The following SLC44A3 variants were observed in gnomAD, a reference collection of about 807,000 sequenced individuals.
SLC44A3 encodes the protein choline transporter-like protein 3.
SLC44A3 carries 74 observed loss-of-function variants against 75.4 expected under a neutral mutation model. The ratio of observed to expected loss-of-function variants is 0.98; its 90% CI spans 0.81 to 1.19. The LOEUF is 1.19. SLC44A3 is among the 50% of genes most tolerant of loss of function. SLC44A3 has a pLI of 0.00. For synonymous variants in SLC44A3, 310 were observed against 296.9 expected, an observed-to-expected ratio of 1.04 and a Z score of -0.45; for missense variants, 700 against 778.6, an observed-to-expected ratio of 0.90 and a Z score of 1.20.
chr1:94,829,562 G>C (rs941749006), intron 5 of SLC44A3, among the ~76,000 whole-genome samples: 1 of 152,208 alleles, frequency 6.6e-6, no homozygotes, highest in Admixed American at 6.5e-5. Flanking sequence ...ATGGAACGGT[G>C]GTTGCATTGC....
chr1:94,860,751 T>C (rs1014359442), intron 10 of SLC44A3, among the ~76,000 whole-genome samples: 1 of 152,216 alleles, frequency 6.6e-6, no homozygotes, highest in Non-Finnish European at 1.5e-5. Flanking sequence ...GCACAGGCAG[T>C]CCCAAGATTT....
chr1:94,827,552 G>T lies in SLC44A3; in HGVS notation c.324G>T (p.Thr108=). The T allele has an allele frequency of 6.2e-7, 1 of 1,614,174 alleles. No homozygotes were observed. The highest frequency in any genetic ancestry group is 1.1e-5 in the South Asian group (1 of 91,084). The part of the protein sequence containing the change: ...MNSCNLEVKG[T]QLNRMALCVS... ...CCTGCAACCTGGAAGTCAAAGGTACGCAGCTCAACCGCATGGCCCTCTGTG... is the reference window on the plus strand; with the variant it reads ...CCTGCAACCTGGAAGTCAAAGGTACTCAGCTCAACCGCATGGCCCTCTGTG... The change falls in exon 4 of 15, where the codon ACG becomes ACT. Residue 108 remains threonine, a synonymous_variant. Coordinates refer to ENST00000271227, the MANE Select transcript of SLC44A3 (RefSeq NM_001114106.3).
At chr1:94,869,444 C>T (rs915550189) in intron 12 of SLC44A3, among the ~76,000 whole-genome samples, 3 of 152,220 alleles carry the variant, frequency 2.0e-5, no homozygotes, top group Non-Finnish European at 4.4e-5. Context: ...GGTGCCTGTG[C>T]ACTAGGCTGT....
At chr1:94,857,913 G>A (rs113493081) in intron 10 of SLC44A3, among the ~76,000 whole-genome samples, 9,031 of 148,502 alleles carry the variant, frequency 0.061, 360 homozygotes, top group Admixed American at 0.11. Context: ...TCCTGGGTTC[G>A]AGCGATTCTT....
chr1:94,852,858 G>A (rs1293961470), intron 9 of SLC44A3, among the ~76,000 whole-genome samples: 1 of 152,188 alleles, frequency 6.6e-6, no homozygotes, highest in African/African-American at 2.4e-5. Context: ...GATATATGGG[G>A]CAAGAATTTG....
chr1:94,859,386 T>A lies in SLC44A3; in HGVS notation c.1238+1886T>A, dbSNP rs187739502. On this transcript the variant is annotated intron_variant, in intron 10 of 14. Transcript: ENST00000271227. ...GAAACAGAGAGGCAATGACAGCAGA[T>A]AAGAAACACCAACCAAATGGTGAGA... Among the ~76,000 whole-genome samples the A allele has an allele frequency of 1.2e-3, 176 of 150,176 alleles. 1 individual carries two copies. The highest frequency in any genetic ancestry group is 3.7e-3 in the African/African-American group (153 of 41,220).
rs190459118 is a variant in SLC44A3, at chr1:94,854,010, G to A, written c.1073-3325G>A. On this transcript the variant is annotated intron_variant, in intron 9 of 14. Transcript: ENST00000271227. The stretch of plus-strand genomic sequence containing the variant: ...ATATCTCATTTATAGCTAACCCTGT[G>A]TGGCACTCACTGTAGCTGACCCTAT... 1.0e-3 allele frequency among the ~76,000 whole-genome samples: 156 copies of A among 152,200 alleles called. 1 individual carries two copies. Among genetic ancestry groups the A allele is most frequent in the African/African-American group, 3.6e-3 (148 of 41,518 alleles).
intron 9 of SLC44A3, among the ~76,000 whole-genome samples, chr1:94,856,031 A>T (rs1665827337): frequency 6.6e-6 from 1 of 152,210 alleles, no homozygotes; most frequent in South Asian, 2.1e-4. Context: ...ATTTGGATTT[A>T]CCAGTGGATT....
At chr1:94,879,214 C>CAA (rs56016110) in intron 12 of SLC44A3, among the ~76,000 whole-genome samples, 389 of 149,266 alleles carry the variant, frequency 2.6e-3, no homozygotes, top group East Asian at 8.0e-3. Context: ...ACAACAACTA[C>CAA]AAAAAAAAAA....
intron 9 of SLC44A3, among the ~76,000 whole-genome samples, chr1:94,850,973 G>A (rs946321625): frequency 5.9e-5 from 9 of 152,076 alleles, no homozygotes; most frequent in African/African-American, 1.7e-4. Flanking sequence ...GAGGTTGCAC[G>A]GGAGAGAGTT....
chr1:94,842,418 G>A (rs4847362), intron 8 of SLC44A3, among the ~76,000 whole-genome samples: 40,535 of 152,180 alleles, frequency 0.27, 6,273 homozygotes, highest in Middle Eastern at 0.38. Flanking sequence ...TGGGTGGGCG[G>A]AGGCAGGCTT....
At chr1:94,827,726 T>A in intron 4 of SLC44A3, 83 bp downstream of exon 4, 2 of 1,494,754 alleles carry the variant, frequency 1.3e-6, no homozygotes, top group Non-Finnish European at 9.1e-7. Context: ...ACCCTGACTC[T>A]GCTTTCTCTG....
At chr1:94,880,897 T>TA (rs1371447687) in intron 12 of SLC44A3, among the ~76,000 whole-genome samples, 2 of 84,700 alleles carry the variant, frequency 2.4e-5, no homozygotes, top group African/African-American at 9.4e-5. Context: ...CATTTTTTTT[T>TA]AATGACAAAA....
rs1454124591 is a variant in SLC44A3 at position 94,845,403 on chromosome 1, T to A, written c.1011T>A (p.Phe337Leu). 1 of 1,613,978 alleles carries A rather than the reference T, an allele frequency of 6.2e-7. No individual in the cohort carries two copies. The highest frequency in any genetic ancestry group is 1.3e-5 in the African/African-American group (1 of 74,918). Residue 337 changes from phenylalanine (F) to leucine (L), a missense_variant, in exon 9 of 15, where the codon TTT becomes TTA. Phe to Leu is a conservative substitution (Grantham distance 22, BLOSUM62 0). Transcript: ENST00000271227. The stretch of plus-strand genomic sequence containing the variant: ...TGCTGTTCCAGCCACTGTGGACATT[T>A]GCCATCCTCATTTTCTTCTGGGTCC... ...PFLLFQPLWT[F>L]AILIFFWVLW...
chr1:94,836,391 A>G (rs1662786592), intron 5 of SLC44A3, among the ~76,000 whole-genome samples: 1 of 152,224 alleles, frequency 6.6e-6, no homozygotes, highest in African/African-American at 2.4e-5. Context: ...GGCAGTTATC[A>G]ACTGCAGCAT....
intron 13 of SLC44A3, among the ~76,000 whole-genome samples, chr1:94,891,530 A>G (rs1243472586): frequency 6.6e-6 from 1 of 152,202 alleles, no homozygotes; most frequent in Non-Finnish European, 1.5e-5. Flanking sequence ...GATCAGTTCT[A>G]CCATTCTGAT....
At chr1:94,866,510 T>G (rs1389781827) in intron 11 of SLC44A3, among the ~76,000 whole-genome samples, 1 of 152,226 alleles carries the variant, frequency 6.6e-6, no homozygotes, top group Non-Finnish European at 1.5e-5. Context: ...GTGTCTACAA[T>G]TTAAATGTCT....
chr1:94,892,521 A>G lies in SLC44A3; in HGVS notation c.1857+4A>G. ...CTTTATGGATCAAGAATTTCTGGTA[A>G]GCAAACATTTCATTTCCAATTGCAA... is the stretch of plus-strand genomic sequence containing the variant. On this transcript the variant is annotated splice_donor_region_variant and intron_variant, in intron 14 of 14. Coordinates refer to ENST00000271227, the MANE Select transcript of SLC44A3 (RefSeq NM_001114106.3). The G allele has an allele frequency of 6.2e-6, 10 of 1,612,974 alleles. No individual in the cohort carries two copies. The highest frequency in any genetic ancestry group is 8.5e-6 in the Non-Finnish European group (10 of 1,179,292).
chr1:94,858,553 C>A (rs1666185836), intron 10 of SLC44A3, among the ~76,000 whole-genome samples: 1 of 152,162 alleles, frequency 6.6e-6, no homozygotes, highest in Admixed American at 6.5e-5. Flanking sequence ...TAGGGCTGAT[C>A]CTCCTCCAGC....
Sources: gnomAD v4.1 joint callset for allele counts (sites outside exome capture counted in the v4.1 genomes callset) on GRCh38, gnomAD v4.1.1 for gene constraint, MANE v1.5 for transcripts, NCBI Gene and HGNC (gene_info 2026-07-23, HGNC 2026-07-21) for gene names.